Variants in MORN5 observed in about 807,000 individuals in gnomAD.
MORN5 encodes the protein MORN repeat containing 5, also known as MORN repeat-containing protein 5.
In MORN5, 21 loss-of-function variants were observed where a neutral mutation model predicts 22.1. The observed-to-expected ratio is 0.95, with a 90% confidence interval of 0.67 to 1.37. MORN5 has a LOEUF of 1.37. MORN5 is among the 40% of genes most tolerant of loss of function. The pLI, the probability that MORN5 is intolerant of heterozygous loss-of-function variation, is 0.00. For missense variants in MORN5, 211 were observed against 215.1 expected (o/e 0.98, Z 0.12); for synonymous variants, 73 against 74.0 (o/e 0.99, Z 0.07).
intron 1 of MORN5, among the ~76,000 whole-genome samples, chr9:122,164,365 G>A (rs1829246179): frequency 6.6e-6 from 1 of 152,188 alleles, no homozygotes; most frequent in South Asian, 2.1e-4. Context: ...AGAACCCTGG[G>A]CCAAGGCAGA....
At chr9:122,199,719 C>T (rs1214790032) in intron 4 of MORN5, among the ~76,000 whole-genome samples, 166 bp from the exon 5 acceptor site, 2 of 152,116 alleles carry the variant, frequency 1.3e-5, no homozygotes, top group East Asian at 3.9e-4. Flanking sequence ...CCAGCCACTC[C>T]GAGGAATTCA....
rs546512416 is a variant in MORN5 at position 122,168,475 on chromosome 9, TAA to T, written c.196-1165_196-1164del. Among the ~76,000 whole-genome samples the T allele has an allele frequency of 1.5e-3, 222 of 152,272 alleles. 1 individual carries two copies. Among genetic ancestry groups the T allele is most frequent in the East Asian group, 6.9e-3 (36 of 5,188 alleles). On this transcript the variant is annotated intron_variant, in intron 2 of 4. Transcript: ENST00000373764. ...GCATCTTGGGGCCTGACTCATGACCTAAAAAAGGTTAAGAAAGGCTCCTTGTT... is the reference window on the plus strand; with the variant it reads ...GCATCTTGGGGCCTGACTCATGACCTAAAAGGTTAAGAAAGGCTCCTTGTT...
In MORN5 at chr9:122,166,806, C is replaced by A; in HGVS notation, c.86C>A (p.Thr29Lys). Residue 29 changes from threonine (T) to lysine (K), a missense_variant, in exon 2 of 5, where the codon ACA becomes AAA. Thr to Lys is a moderately conservative substitution (Grantham distance 78). Transcript: ENST00000373764. ...GCCAAGTACATCCTCCCTACCGAAA[C>A]AATATATGTTGGGGAAATGAAGGAT... The part of the protein sequence containing the change: ...GKAKYILPTE[T>K]IYVGEMKDGM... The A allele has an allele frequency of 6.2e-7, 1 of 1,613,856 alleles. No homozygotes were observed. The highest frequency in any genetic ancestry group is 1.1e-5 in the South Asian group (1 of 91,056).
chr9:122,174,744 A>G (rs774450054), intron 4 of MORN5, 117 bp downstream of exon 4: 20 of 1,594,564 alleles, frequency 1.3e-5, no homozygotes, highest in Admixed American at 1.0e-4. Context: ...CTGATAGAAG[A>G]TGAAAGTTGA....
intron 4 of MORN5, among the ~76,000 whole-genome samples, chr9:122,191,737 C>T (rs1384752851): frequency 6.6e-6 from 1 of 152,280 alleles, no homozygotes; most frequent in Non-Finnish European, 1.5e-5. Context: ...TGACCCCAAT[C>T]CGCCTGCTTG....
rs76702719 is a variant in MORN5 at position 122,200,030 on chromosome 9, G to A, written c.*99G>A. On this transcript the variant is annotated 3_prime_UTR_variant, in exon 5 of 5. Transcript: ENST00000373764. ...CTAGCATTGGCTGCCCTGGGGGACG[G>A]GCTGTAGTTCTAGAACCTGATTTTA... 8.0e-4 allele frequency: 960 copies of A among 1,200,746 alleles called. 7 individuals carry two copies. The African/African-American group carries it at 0.013, about 16-fold the overall frequency. 74.4% of individuals were successfully genotyped at this position (1,200,746 alleles called of 1,614,324 possible).
At chr9:122,180,799 G>A (rs1410312664) in intron 4 of MORN5, among the ~76,000 whole-genome samples, 1 of 152,122 alleles carries the variant, frequency 6.6e-6, no homozygotes, top group African/African-American at 2.4e-5. Context: ...CTTAGCCATG[G>A]ACAGTAGAAG....
chr9:122,193,213 G>A (rs1221284355), intron 4 of MORN5, among the ~76,000 whole-genome samples: 2 of 152,172 alleles, frequency 1.3e-5, no homozygotes, highest in African/African-American at 2.4e-5. Context: ...TAGTGCCTCA[G>A]CACACTATGA....
chr9:122,184,287 C>A (rs573236667), intron 4 of MORN5, among the ~76,000 whole-genome samples: 3 of 152,324 alleles, frequency 2.0e-5, no homozygotes, highest in East Asian at 3.9e-4. Context: ...CCAAGATCAT[C>A]TGTTGAAAAA....
At position 122,177,521 on chromosome 9, in the gene MORN5, C is replaced by T. The variant is rs540578094; in HGVS notation, c.439+2894C>T. Reference sequence around the variant, plus strand: ...GATCTTGGCTCCCTGCAACCTCTGCCTCCCAGGTTCAAGTGATTCTTCTGC... The same window carrying T: ...GATCTTGGCTCCCTGCAACCTCTGCTTCCCAGGTTCAAGTGATTCTTCTGC... On this transcript the variant is annotated intron_variant, in intron 4 of 4. Coordinates refer to ENST00000373764, the MANE Select transcript of MORN5 (RefSeq NM_198469.4). 2.6e-5 allele frequency among the ~76,000 whole-genome samples: 4 copies of T among 152,334 alleles called. No homozygotes were observed. In the East Asian group the frequency reaches 7.7e-4, roughly 29 times the overall value.
At chr9:122,173,424 G>A (rs1829394837) in intron 3 of MORN5, among the ~76,000 whole-genome samples, 1 of 152,204 alleles carries the variant, frequency 6.6e-6, no homozygotes, top group Non-Finnish European at 1.5e-5. Context: ...TCATTAGCCA[G>A]TACATATGGG....
At chr9:122,182,865 A>C (rs1829557398) in intron 4 of MORN5, among the ~76,000 whole-genome samples, 1 of 152,252 alleles carries the variant, frequency 6.6e-6, no homozygotes, top group African/African-American at 2.4e-5. Flanking sequence ...CTCAGGTTAA[A>C]AACTTGCTCG....
At chr9:122,166,965 A>G (rs369669736) in intron 2 of MORN5, 50 bp downstream of exon 2, 5 of 1,563,044 alleles carry the variant, frequency 3.2e-6, no homozygotes, top group Non-Finnish European at 4.4e-6. Flanking sequence ...CTCACGCAAG[A>G]AGAGCCTCAC....
intron 1 of MORN5, among the ~76,000 whole-genome samples, chr9:122,162,098 G>T (rs1057125342): frequency 6.6e-6 from 1 of 152,190 alleles, no homozygotes; most frequent in Non-Finnish European, 1.5e-5. Flanking sequence ...GATGAGACAG[G>T]TCTGGGCTCA....
chr9:122,167,353 C>CTT lies in MORN5; in HGVS notation c.195+458_195+459dup, dbSNP rs61672512. On this transcript the variant is annotated intron_variant, in intron 2 of 4. Transcript: ENST00000373764. ...GCAGGTGTGAGCCACCGCACCTGACCTTTTTTTTTTTTTTTTTTTTTGAAA... is the reference window on the plus strand; with the variant it reads ...GCAGGTGTGAGCCACCGCACCTGACCTTTTTTTTTTTTTTTTTTTTTTTGAAA... 9.9e-4 allele frequency among the ~76,000 whole-genome samples: 104 copies of CTT among 104,538 alleles called. 5 individuals carry two copies. Among genetic ancestry groups the CTT allele is most frequent in the Admixed American group, 1.5e-3 (12 of 8,250 alleles). The allele number at this position is 104,538 out of a possible 152,430, so 68.6% of individuals were successfully genotyped here.
At chr9:122,175,002 C>A in intron 4 of MORN5, 2 of 396,994 alleles carry the variant, frequency 5.0e-6, no homozygotes, top group Non-Finnish European at 6.8e-6. Context: ...CCTTGTGGAG[C>A]TTGCATTCTA....
chr9:122,162,163 C>T (rs1012925282), intron 1 of MORN5, among the ~76,000 whole-genome samples: 1 of 152,186 alleles, frequency 6.6e-6, no homozygotes, highest in Non-Finnish European at 1.5e-5. Flanking sequence ...TCAGTTTCCT[C>T]ATCTGTAAAA....
At position 122,169,631 on chromosome 9, in the gene MORN5, T is replaced by C. The variant is rs772037116; in HGVS notation, c.196-14T>C. ...AGCTTCCTCAGATGCACGTGTGTGC[T>C]CCTTGTCTTCCAGGGCACATATACG... is the stretch of plus-strand genomic sequence containing the variant. On this transcript the variant is annotated splice_polypyrimidine_tract_variant and intron_variant, in intron 2 of 4. Transcript: ENST00000373764. 5 of 1,589,454 alleles carry C rather than the reference T, an allele frequency of 3.1e-6. No individual in the cohort carries two copies. The highest frequency in any genetic ancestry group is 1.1e-5 in the South Asian group (1 of 90,602).
intron 4 of MORN5, among the ~76,000 whole-genome samples, chr9:122,180,303 T>TG (rs1829518323): frequency 6.7e-6 from 1 of 148,442 alleles, no homozygotes; most frequent in African/African-American, 2.5e-5. Flanking sequence ...TTTTTTTTTT[T>TG]GAGACGGAGT....
Sources: allele counts gnomAD v4.1 joint callset (sites outside exome capture counted in the v4.1 genomes callset), GRCh38; gene constraint gnomAD v4.1.1; transcripts MANE v1.5; gene names NCBI Gene and HGNC (gene_info 2026-07-23, HGNC 2026-07-21).